Variants in JAKMIP1 observed in about 807,000 individuals in gnomAD.
JAKMIP1 encodes the protein janus kinase and microtubule interacting protein 1.
Under a neutral mutation model 113.0 loss-of-function variants are expected in JAKMIP1, and 33 were observed. The observed-to-expected ratio is 0.29, with a 90% CI of 0.22 to 0.39. JAKMIP1 has a LOEUF of 0.39. Among genes scored for constraint, JAKMIP1 ranks in the 10% least tolerant of loss-of-function variants. The pLI is 1.00. For synonymous variants in JAKMIP1, 480 were observed against 459.9 expected (o/e 1.04, Z -0.56); for missense variants, 813 against 1,080.5 (o/e 0.75, Z 3.47).
In JAKMIP1 at chr4:6,064,692, A is replaced by T. The variant is rs1342943611; in HGVS notation, c.1431+188T>A. Among the ~76,000 whole-genome samples, 1 of 152,060 alleles carries T rather than the reference A, an allele frequency of 6.6e-6. No homozygotes were observed. Among genetic ancestry groups the T allele is most frequent in the Non-Finnish European group, 1.5e-5 (1 of 68,006 alleles). The stretch of plus-strand genomic sequence containing the variant: ...ACGTGCTGCCCTCCCATCGCCATTC[A>T]TGGAGCCCACAGCTGTGGGGCCCGC... On this transcript the variant is annotated intron_variant, in intron 9 of 20. Coordinates refer to ENST00000409021, the MANE Select transcript of JAKMIP1 (RefSeq NM_001099433.2). This position sits in a 1 kb window ranked among gnomAD's most constrained non-coding sequence, Gnocchi z 4.3.
At position 6,059,240 on chromosome 4, in the gene JAKMIP1, G is replaced by T. The variant is rs979361372; in HGVS notation, c.1644+1184C>A. On this transcript the variant is annotated intron_variant, in intron 11 of 20. Transcript: ENST00000409021. This position sits in a 1 kb window ranked among gnomAD's most constrained non-coding sequence, Gnocchi z 4.8. ...GTCCATTGGTAAAGTCTGCTGTGGT[G>T]ACCTGCTCTGTGCCAGGCATGCATG... is the stretch of plus-strand genomic sequence containing the variant. Among the ~76,000 whole-genome samples the T allele has an allele frequency of 8.5e-5, 13 of 152,194 alleles. No individual in the cohort carries two copies. Among genetic ancestry groups the T allele is most frequent in the African/African-American group, 2.9e-4 (12 of 41,460 alleles).
rs1348114382 is a variant in JAKMIP1 at position 6,065,661 on chromosome 4, A to C, written c.1303-653T>G. Among the ~76,000 whole-genome samples the C allele has an allele frequency of 2.0e-5, 3 of 152,230 alleles. No homozygotes were observed. The highest frequency in any genetic ancestry group is 1.3e-4 in the Admixed American group (2 of 15,290). Reference sequence around the variant, plus strand: ...TGGGAAGATTCACAGAATGAGAAGGAATCATGTAATAGACCTTCACACGAC... The same window carrying C: ...TGGGAAGATTCACAGAATGAGAAGGCATCATGTAATAGACCTTCACACGAC... On this transcript the variant is annotated intron_variant, in intron 8 of 20. Transcript: ENST00000409021. The surrounding 1 kb of genome is among the most constrained non-coding windows in gnomAD (Gnocchi z 5.1).
At position 6,155,964 on chromosome 4, in the gene JAKMIP1, C is replaced by A. The variant is rs939016366; in HGVS notation, c.-147-42967G>T. Among the ~76,000 whole-genome samples the A allele has an allele frequency of 1.3e-5, 2 of 152,266 alleles. No individual in the cohort carries two copies. ...TGCTGGGGATGAATATCTACTGCCACGGAAAGGGTCAGCTCTGTGACTTCT... is the reference window on the plus strand; with the variant it reads ...TGCTGGGGATGAATATCTACTGCCAAGGAAAGGGTCAGCTCTGTGACTTCT... On this transcript the variant is annotated intron_variant, in intron 1 of 20. Transcript: ENST00000409021. This position sits in a 1 kb window ranked among gnomAD's most constrained non-coding sequence, Gnocchi z 6.1.
At chr4:6,118,650 C>T (rs1481148414) in intron 1 of JAKMIP1, among the ~76,000 whole-genome samples, 1 of 152,100 alleles carries the variant, frequency 6.6e-6, no homozygotes, top group Non-Finnish European at 1.5e-5. Context: ...TGCAAAATTT[C>T]CTCTCTTCAT....
At chr4:6,052,751 A>G (rs1371725319) in intron 13 of JAKMIP1, among the ~76,000 whole-genome samples, 1 of 152,036 alleles carries the variant, frequency 6.6e-6, no homozygotes, top group African/African-American at 2.4e-5. Context: ...TAGTGCTTAT[A>G]GAATTCTCAT....
chr4:6,090,191 C>T (rs1187525126), intron 3 of JAKMIP1, among the ~76,000 whole-genome samples: 5 of 151,586 alleles, frequency 3.3e-5, no homozygotes, highest in Non-Finnish European at 7.4e-5. Context: ...CACTGCACTC[C>T]AGCCTGGGTG....
At chr4:6,045,989 G>T (rs1004994588) in intron 16 of JAKMIP1, among the ~76,000 whole-genome samples, 1 of 152,216 alleles carries the variant, frequency 6.6e-6, no homozygotes, top group African/African-American at 2.4e-5. Flanking sequence ...GTTAACTGGG[G>T]CCTGTCAGCA....
intron 1 of JAKMIP1, among the ~76,000 whole-genome samples, chr4:6,198,793 GC>G (rs1225340188): frequency 6.6e-6 from 1 of 152,148 alleles, no homozygotes; most frequent in Non-Finnish European, 1.5e-5. Context: ...CCTCCTCCTT[GC>G]CCATCCCAGC....
chr4:6,073,541 G>A (rs975170252), intron 8 of JAKMIP1, among the ~76,000 whole-genome samples: 2 of 152,252 alleles, frequency 1.3e-5, no homozygotes, highest in African/African-American at 4.8e-5. Context: ...GAGGCAGGGT[G>A]TAGGCATGGC....
At position 6,157,438 on chromosome 4, in the gene JAKMIP1, G is replaced by C. The variant is rs909172752; in HGVS notation, c.-148+42815C>G. 6.6e-6 allele frequency among the ~76,000 whole-genome samples: 1 copy of C among 152,196 alleles called. No individual in the cohort carries two copies. The highest frequency in any genetic ancestry group is 2.4e-5 in the African/African-American group (1 of 41,452). Reference sequence around the variant, plus strand: ...ATTTCTATGGTAATTCAGGTAATTTGTGATATTTAGGAAGCTACAAATTAT... The same window carrying C: ...ATTTCTATGGTAATTCAGGTAATTTCTGATATTTAGGAAGCTACAAATTAT... On this transcript the variant is annotated intron_variant, in intron 1 of 20. Transcript: ENST00000409021. The surrounding 1 kb of genome is among the most constrained non-coding windows in gnomAD (Gnocchi z 4.7).
intron 18 of JAKMIP1, among the ~76,000 whole-genome samples, chr4:6,039,335 G>A (rs1282061963): frequency 6.6e-6 from 1 of 152,196 alleles, no homozygotes; most frequent in Non-Finnish European, 1.5e-5. Flanking sequence ...CACACCACTT[G>A]CTTACATTCC....
In JAKMIP1 at chr4:6,078,991, T is replaced by C. The variant is rs1489168652; in HGVS notation, c.1250A>G (p.Glu417Gly). ...ATGCCTTTTGGAGCGCAACAGCCGT[T>C]CTCTCTCCTAGAAGGAAACACAACG... Reference protein sequence around the residue: ...HVIDDLSLERERLLRSKRHRG... With the variant: ...HVIDDLSLERGRLLRSKRHRG... Residue 417 changes from glutamate to glycine, a missense_variant, in exon 8 of 21, where the codon GAA becomes GGA. Transcript: ENST00000409021. 4 of 1,614,022 alleles carry C rather than the reference T, an allele frequency of 2.5e-6. No homozygotes were observed. The Admixed American group carries it at 5.0e-5, about 20-fold the overall frequency.
rs1724039247 is a variant in JAKMIP1 at position 6,169,285 on chromosome 4, C to T, written c.-148+30968G>A. On this transcript the variant is annotated intron_variant, in intron 1 of 20. Coordinates refer to ENST00000409021, the MANE Select transcript of JAKMIP1 (RefSeq NM_001099433.2). ...CAGGTGTCATGAGTTAGGAGGAGGCCATGATGGACTAGGGTGGGCCCTTTA... is the reference window on the plus strand; with the variant it reads ...CAGGTGTCATGAGTTAGGAGGAGGCTATGATGGACTAGGGTGGGCCCTTTA... 3.3e-5 allele frequency among the ~76,000 whole-genome samples: 5 copies of T among 152,050 alleles called. No homozygotes were observed. In the South Asian group the frequency reaches 1.0e-3, roughly 32 times the overall value.
In JAKMIP1 at chr4:6,178,116, G is replaced by C. The variant is rs999508245; in HGVS notation, c.-148+22137C>G. ...CCTGTCCCCGACCCTCCTCCCTGGAGGGGAGGGATAGGAAAGAAGGAAACA... is the reference window on the plus strand; with the variant it reads ...CCTGTCCCCGACCCTCCTCCCTGGACGGGAGGGATAGGAAAGAAGGAAACA... On this transcript the variant is annotated intron_variant, in intron 1 of 20. Transcript: ENST00000409021. This position sits in a 1 kb window ranked among gnomAD's most constrained non-coding sequence, Gnocchi z 5.5. 6.6e-5 allele frequency among the ~76,000 whole-genome samples: 10 copies of C among 152,222 alleles called. No individual in the cohort carries two copies. The highest frequency in any genetic ancestry group is 2.4e-4 in the African/African-American group (10 of 41,458).
intron 19 of JAKMIP1, among the ~76,000 whole-genome samples, chr4:6,030,560 T>C (rs1382202800): frequency 6.6e-6 from 1 of 152,124 alleles, no homozygotes; most frequent in African/African-American, 2.4e-5. Flanking sequence ...CTTCATGTGC[T>C]CACAGGGCTT....
chr4:6,152,809 T>C lies in JAKMIP1; in HGVS notation c.-147-39812A>G, dbSNP rs913174464. Among the ~76,000 whole-genome samples the C allele has an allele frequency of 1.9e-4, 22 of 117,660 alleles. 1 individual carries two copies. The highest frequency in any genetic ancestry group is 4.6e-4 in the South Asian group (2 of 4,320). 77.2% of individuals were successfully genotyped at this position (117,660 alleles called of 152,430 possible). On this transcript the variant is annotated intron_variant, in intron 1 of 20. Coordinates refer to ENST00000409021, the MANE Select transcript of JAKMIP1 (RefSeq NM_001099433.2). ...ATACAAATATATATATATATATATA[T>C]ACATATATATATATAGCTGGGCATG...
chr4:6,105,425 G>A (rs766038985), intron 3 of JAKMIP1, 48 bp downstream of exon 3: 1 of 1,513,858 alleles, frequency 6.6e-7, no homozygotes, highest in South Asian at 1.3e-5. Flanking sequence ...CATGCGTGCA[G>A]GGAGGGAAGG....
rs141579105 is a variant in JAKMIP1, at chr4:6,069,002, G to A, written c.1303-3994C>T. 6.9e-3 allele frequency among the ~76,000 whole-genome samples: 1,055 copies of A among 152,094 alleles called. 16 individuals are homozygous for A. Among genetic ancestry groups the A allele is most frequent in the African/African-American group, 0.024 (1,001 of 41,482 alleles). ...TTATGCAGTAAGCCTACATGTACTC[G>A]ATTTCTCAATATATTTGTGTCTTTA... On this transcript the variant is annotated intron_variant, in intron 8 of 20. Transcript: ENST00000409021. This position sits in a 1 kb window ranked among gnomAD's most constrained non-coding sequence, Gnocchi z 4.5.
In JAKMIP1 at chr4:6,139,087, T is replaced by TACAC. The variant is rs1289607866; in HGVS notation, c.-147-26094_-147-26091dup. On this transcript the variant is annotated intron_variant, in intron 1 of 20. Transcript: ENST00000409021. The surrounding 1 kb of genome is among the most constrained non-coding windows in gnomAD (Gnocchi z 5.2). Reference sequence around the variant, plus strand: ...ACACACACACACACACACACACATATACACACACACACACACACCAGCAGG... The same window carrying TACAC: ...ACACACACACACACACACACACATATACACACACACACACACACACACCAGCAGG... Among the ~76,000 whole-genome samples the TACAC allele has an allele frequency of 2.9e-5, 3 of 102,236 alleles. No homozygotes were observed. The highest frequency in any genetic ancestry group is 9.8e-5 in the African/African-American group (3 of 30,590). The allele number at this position is 102,236 out of a possible 152,430, so 67.1% of individuals were successfully genotyped here. A position where few individuals can be genotyped will look rare whatever the true frequency, so the allele number is the denominator to read the frequency against.
Sources: gnomAD v4.1 joint callset for allele counts (sites outside exome capture counted in the v4.1 genomes callset) on GRCh38, gnomAD v4.1.1 for gene constraint, Gnocchi (gnomAD v3.1) non-coding constraint, MANE v1.5 for transcripts, NCBI Gene and HGNC (gene_info 2026-07-23, HGNC 2026-07-21) for gene names.